The following GPATCH8 variants were observed in gnomAD, a reference collection of about 807,000 sequenced individuals.
GPATCH8 encodes the protein G-patch domain containing 8, also known as G patch domain-containing protein 8.
In GPATCH8, 18 loss-of-function variants were observed where a neutral mutation model predicts 118.3. The ratio of observed to expected loss-of-function variants is 0.15; its 90% CI spans 0.11 to 0.23. The LOEUF is 0.23. Among genes scored for constraint, GPATCH8 ranks in the 10% least tolerant of loss-of-function variants. The probability of loss-of-function intolerance (pLI) is 1.00; values close to 1 mark genes in which losing one functional copy is unlikely to be tolerated. For missense variants in GPATCH8, 1,631 were observed against 1,873.8 expected (o/e 0.87, Z 2.39); for synonymous variants, 659 against 684.7 (o/e 0.96, Z 0.59).
chr17:44,423,650 T>C (rs2049992411), intron 6 of GPATCH8, among the ~76,000 whole-genome samples: 1 of 152,208 alleles, frequency 6.6e-6, no homozygotes, highest in African/African-American at 2.4e-5. Flanking sequence ...AGAACTGTCC[T>C]ATAGGTGTAA....
intron 1 of GPATCH8, among the ~76,000 whole-genome samples, chr17:44,483,549 G>A (rs1177407086): frequency 2.0e-5 from 3 of 151,404 alleles, no homozygotes; most frequent in Non-Finnish European, 2.9e-5. Context: ...GCGACTGGCC[G>A]AGGTAGGCTA....
At chr17:44,432,185 G>T (rs552687262) in intron 5 of GPATCH8, among the ~76,000 whole-genome samples, 58 of 152,146 alleles carry the variant, frequency 3.8e-4, no homozygotes, top group South Asian at 1.0e-3. Context: ...GATAAGACAG[G>T]GAGAGTTAGG....
intron 4 of GPATCH8, among the ~76,000 whole-genome samples, chr17:44,435,799 G>A (rs2050489369): frequency 6.8e-6 from 1 of 147,368 alleles, no homozygotes; most frequent in African/African-American, 2.5e-5. Flanking sequence ...AGGCGGGCGG[G>A]TCACCTGAGG....
chr17:44,423,901 A>G (rs1022106564), intron 6 of GPATCH8, among the ~76,000 whole-genome samples: 1 of 152,316 alleles, frequency 6.6e-6, no homozygotes, highest in African/African-American at 2.4e-5. Context: ...CTTCCAAGGT[A>G]TATTGAATAG....
chr17:44,397,368 G>A lies in GPATCH8; in HGVS notation c.*200C>T. 1.4e-6 allele frequency: 1 copy of A among 691,456 alleles called. No individual in the cohort carries two copies. The highest frequency in any genetic ancestry group is 2.6e-6 in the Non-Finnish European group (1 of 379,248). The allele number at this position is 691,456 out of a possible 1,614,324, so 42.8% of individuals were successfully genotyped here. A position where few individuals can be genotyped will look rare whatever the true frequency, so the allele number is the denominator to read the frequency against. On this transcript the variant is annotated 3_prime_UTR_variant, in exon 8 of 8. Transcript: ENST00000591680. ...AGAGGGAGGGACAAATTGAGAGGAGGACAGGAAAAAGAAATCCCTGATAGT... is the reference window on the plus strand; with the variant it reads ...AGAGGGAGGGACAAATTGAGAGGAGAACAGGAAAAAGAAATCCCTGATAGT...
chr17:44,430,360 CA>C (rs968084239), intron 5 of GPATCH8, among the ~76,000 whole-genome samples: 7 of 151,906 alleles, frequency 4.6e-5, no homozygotes, highest in African/African-American at 1.7e-4. Context: ...GTTCAACATA[CA>C]AAAATCAATC....
chr17:44,412,412 A>T (rs772797838), intron 6 of GPATCH8, among the ~76,000 whole-genome samples: 31 of 151,616 alleles, frequency 2.0e-4, no homozygotes, highest in Non-Finnish European at 1.8e-4. Flanking sequence ...TTTGAGACAG[A>T]GTCTCCCTCT....
intron 1 of GPATCH8, among the ~76,000 whole-genome samples, chr17:44,481,091 G>A (rs1281669944): frequency 1.3e-5 from 2 of 151,988 alleles, no homozygotes. Context: ...TTGTATTGTT[G>A]GTAGAGATGG....
At chr17:44,460,260 T>G (rs1301670645) in intron 3 of GPATCH8, among the ~76,000 whole-genome samples, 1 of 152,202 alleles carries the variant, frequency 6.6e-6, no homozygotes, top group South Asian at 2.1e-4. Context: ...TAGTGCTTTT[T>G]TTGTGTTGTT....
chr17:44,422,388 G>A (rs1361781649), intron 6 of GPATCH8, among the ~76,000 whole-genome samples: 1 of 151,954 alleles, frequency 6.6e-6, no homozygotes, highest in Non-Finnish European at 1.5e-5. Context: ...GGCAGGTCTT[G>A]TACATTGCTC....
intron 3 of GPATCH8, among the ~76,000 whole-genome samples, chr17:44,453,498 G>GTGT (rs1298562128): frequency 0.013 from 1,644 of 130,132 alleles, 59 homozygotes; most frequent in African/African-American, 0.048. Flanking sequence ...TAGGTAGGTA[G>GTGT]GGGTGTGTGT....
chr17:44,465,093 A>AAATAAT (rs68024518), intron 2 of GPATCH8: 88,265 of 148,430 alleles, frequency 0.59, 26,476 homozygotes, highest in Middle Eastern at 0.67. Context: ...TGGTTTAAAA[A>AAATAAT]AATAATATAT....
intron 1 of GPATCH8, among the ~76,000 whole-genome samples, chr17:44,479,557 A>T (rs769464505): frequency 2.0e-5 from 3 of 152,250 alleles, no homozygotes; most frequent in Non-Finnish European, 2.9e-5. Flanking sequence ...GCAGACCTAA[A>T]TGTAAAACTG....
chr17:44,448,617 T>A (rs1398584345), intron 3 of GPATCH8, among the ~76,000 whole-genome samples: 2 of 150,058 alleles, frequency 1.3e-5, no homozygotes, highest in Admixed American at 6.6e-5. Flanking sequence ...TATCACTATA[T>A]ACCCTTTTGC....
At chr17:44,459,849 G>C (rs1298658732) in intron 3 of GPATCH8, among the ~76,000 whole-genome samples, 2 of 152,118 alleles carry the variant, frequency 1.3e-5, no homozygotes, top group Non-Finnish European at 2.9e-5. Context: ...TGTAGTGTTA[G>C]GTCAGTAAAT....
intron 1 of GPATCH8, among the ~76,000 whole-genome samples, chr17:44,480,898 A>AAAAAC (rs1968181094): frequency 2.0e-5 from 3 of 151,944 alleles, no homozygotes; most frequent in African/African-American, 7.3e-5. Context: ...ACAAAAAAAA[A>AAAAAC]CAACCTAATA....
chr17:44,413,725 T>C (rs1370131198), intron 6 of GPATCH8, among the ~76,000 whole-genome samples: 2 of 152,166 alleles, frequency 1.3e-5, no homozygotes, highest in Admixed American at 6.5e-5. Flanking sequence ...GTTCCAGCAA[T>C]TCTCCTGCCT....
At chr17:44,490,299 C>A (rs527431116) in intron 1 of GPATCH8, among the ~76,000 whole-genome samples, 1 of 151,774 alleles carries the variant, frequency 6.6e-6, no homozygotes, top group Non-Finnish European at 1.5e-5. Context: ...CAGAGCAAGA[C>A]CTTGTCTTAG....
intron 6 of GPATCH8, among the ~76,000 whole-genome samples, chr17:44,422,494 ATTTTT>A (rs989600716): frequency 7.1e-6 from 1 of 141,420 alleles, no homozygotes; most frequent in Non-Finnish European, 1.6e-5. Context: ...CTAGCCTAAA[ATTTTT>A]TTTTTTTTGA....
Sources: allele counts gnomAD v4.1 joint callset (sites outside exome capture counted in the v4.1 genomes callset), GRCh38; gene constraint gnomAD v4.1.1; transcripts MANE v1.5; gene names NCBI Gene and HGNC (gene_info 2026-07-23, HGNC 2026-07-21).